IKBKB: variants seen among roughly 807,000 people sequenced by gnomAD.
IKBKB encodes the protein inhibitor of nuclear factor kappa-B kinase subunit beta.
Under a neutral mutation model 113.6 loss-of-function variants are expected in IKBKB, and 42 were observed. The ratio of observed to expected loss-of-function variants is 0.37; its 90% confidence interval spans 0.29 to 0.48. The LOEUF is 0.48. Among genes scored for constraint, IKBKB ranks in the 20% least tolerant of loss-of-function variants. IKBKB has a pLI of 0.99. For synonymous variants in IKBKB, 296 were observed against 361.3 expected, an observed-to-expected ratio of 0.82 and a Z score of 2.05; for missense variants, 673 against 939.7, an observed-to-expected ratio of 0.72 and a Z score of 3.71.
intron 4 of IKBKB, among the ~76,000 whole-genome samples, chr8:42,293,047 G>A (rs756128038): frequency 4.6e-5 from 7 of 152,246 alleles, no homozygotes; most frequent in East Asian, 1.9e-4. Flanking sequence ...ATGGCAGGGC[G>A]GTGGTCGGAG....
intron 8 of IKBKB, among the ~76,000 whole-genome samples, chr8:42,311,961 A>T (rs1209966592): frequency 6.6e-6 from 1 of 152,136 alleles, no homozygotes; most frequent in Non-Finnish European, 1.5e-5. Flanking sequence ...ATCGCGGCTC[A>T]CTGCAAGCTC....
rs1285053479 is a variant in IKBKB at position 42,316,655 on chromosome 8, A to G, written c.931-55A>G. 2.6e-6 allele frequency: 4 copies of G among 1,516,168 alleles called. No homozygotes were observed. Among genetic ancestry groups the G allele is most frequent in the South Asian group, 2.5e-5 (2 of 80,426 alleles). The allele number at this position is 1,516,168 out of a possible 1,614,324, so 93.9% of individuals were successfully genotyped here. A position where few individuals can be genotyped will look rare whatever the true frequency, so the allele number is the denominator to read the frequency against. On this transcript the variant is annotated intron_variant, in intron 10 of 21. Coordinates refer to ENST00000520810, the MANE Select transcript of IKBKB (RefSeq NM_001556.3). This position sits in a 1 kb window ranked among gnomAD's most constrained non-coding sequence, Gnocchi z 4.5. ...GCAGAGAGAGGACCTAGGCAAATAG[A>G]TGGGCATTTCCTTGAAGAAATCGGT...
chr8:42,276,528 T>C (rs1434319040), intron 2 of IKBKB, among the ~76,000 whole-genome samples: 1 of 152,198 alleles, frequency 6.6e-6, no homozygotes, highest in African/African-American at 2.4e-5. Context: ...ATTTCTCCCA[T>C]TCCATAAGTT....
In IKBKB at chr8:42,316,179, G is replaced by A. The variant is rs767555524; in HGVS notation, c.801-31G>A. On this transcript the variant is annotated intron_variant, in intron 9 of 21. Coordinates refer to ENST00000520810, the MANE Select transcript of IKBKB (RefSeq NM_001556.3). The surrounding 1 kb of genome is among the most constrained non-coding windows in gnomAD (Gnocchi z 4.5). The stretch of plus-strand genomic sequence containing the variant: ...CTGTAGCCCAACATTGGCTGGAAGT[G>A]TCTCCTCACACACTATGCTCCTCTC... The A allele has an allele frequency of 6.2e-7, 1 of 1,610,654 alleles. No individual in the cohort carries two copies. Among genetic ancestry groups the A allele is most frequent in the East Asian group, 2.2e-5 (1 of 44,836 alleles).
At chr8:42,288,837 A>G (rs1811973568) in intron 3 of IKBKB, 109 bp downstream of exon 3, 4 of 814,046 alleles carry the variant, frequency 4.9e-6, no homozygotes, top group Non-Finnish European at 7.7e-6. Flanking sequence ...TAATCCTAGC[A>G]CTTTGGAAGG....
At chr8:42,299,579 T>G (rs1395344146) in intron 5 of IKBKB, among the ~76,000 whole-genome samples, 3 of 151,576 alleles carry the variant, frequency 2.0e-5, no homozygotes, top group Non-Finnish European at 4.4e-5. Context: ...TGCCAGCCTC[T>G]GTGTGTGACC....
rs530353192 is a variant in IKBKB at position 42,273,136 on chromosome 8, G to A, written c.105+931G>A. Among the ~76,000 whole-genome samples, 50 of 152,034 alleles carry A rather than the reference G, an allele frequency of 3.3e-4. 1 individual carries two copies. The highest frequency in any genetic ancestry group is 2.8e-3 in the Admixed American group (43 of 15,256). On this transcript the variant is annotated intron_variant, in intron 2 of 21. Coordinates refer to ENST00000520810, the MANE Select transcript of IKBKB (RefSeq NM_001556.3). ...CCATTTTTTAAAAATTATTTTAAAT[G>A]TCGGGTGCAGTGGCTTACACCTGTA...
At chr8:42,310,330 GC>G (rs1817474505) in intron 8 of IKBKB, among the ~76,000 whole-genome samples, 1 of 152,086 alleles carries the variant, frequency 6.6e-6, no homozygotes, top group Non-Finnish European at 1.5e-5. Flanking sequence ...AGCCTCCCAG[GC>G]CCTCATTTAC....
intron 2 of IKBKB, among the ~76,000 whole-genome samples, chr8:42,283,164 T>C (rs1188555528): frequency 6.6e-6 from 1 of 152,188 alleles, no homozygotes; most frequent in Non-Finnish European, 1.5e-5. Context: ...GTCCAGTGTT[T>C]GTGTTGGGCA....
In IKBKB at chr8:42,321,897, G is replaced by A. The variant is rs755214823; in HGVS notation, c.1690G>A (p.Glu564Lys). Reference protein sequence around the residue: ...RKQGGTLDDLEEQARELYRRL... With the variant: ...RKQGGTLDDLKEQARELYRRL... ...ACAGAACTTCTTTGTATATTTTAGA[G>A]AGGAGCAAGCAAGGGAGCTGTACAG... Residue 564 changes from glutamate to lysine, a missense_variant and splice_region_variant, in exon 17 of 22, where the codon GAG (glutamate) becomes AAG (lysine). Coordinates refer to ENST00000520810, the MANE Select transcript of IKBKB (RefSeq NM_001556.3). 3.7e-6 allele frequency: 6 copies of A among 1,603,674 alleles called. No homozygotes were observed. Among genetic ancestry groups the A allele is most frequent in the Non-Finnish European group, 4.3e-6 (5 of 1,176,374 alleles).
At chr8:42,283,946 T>A (rs1226687658) in intron 2 of IKBKB, among the ~76,000 whole-genome samples, 1 of 152,122 alleles carries the variant, frequency 6.6e-6, no homozygotes, top group Admixed American at 6.6e-5. Flanking sequence ...GGTGGATAGA[T>A]GCTCTTGGCA....
intron 1 of IKBKB, 31 bp from the exon 2 acceptor site, chr8:42,272,052 A>G (rs1032591323): frequency 5.9e-5 from 94 of 1,588,950 alleles, no homozygotes; most frequent in Non-Finnish European, 7.2e-5. Flanking sequence ...CTTAATCCTA[A>G]CCTTTTTTCC....
At chr8:42,275,055 TTA>T (rs1042899053) in intron 2 of IKBKB, among the ~76,000 whole-genome samples, 4 of 151,814 alleles carry the variant, frequency 2.6e-5, no homozygotes, top group African/African-American at 9.7e-5. Context: ...TTTTGTATTT[TTA>T]GTAGAGACAG....
chr8:42,278,377 G>A (rs567063877), intron 2 of IKBKB, among the ~76,000 whole-genome samples: 33 of 152,324 alleles, frequency 2.2e-4, no homozygotes, highest in African/African-American at 7.2e-4. Flanking sequence ...GCAGTGGAAC[G>A]ATGTTAGAGG....
intron 7 of IKBKB, among the ~76,000 whole-genome samples, chr8:42,307,966 C>G (rs1816870391): frequency 6.6e-6 from 1 of 152,232 alleles, no homozygotes; most frequent in Non-Finnish European, 1.5e-5. Flanking sequence ...ACCTGCTAAG[C>G]CCAGTCTGCA....
At position 42,330,988 on chromosome 8, in the gene IKBKB, G is replaced by C. The variant is rs751151171; in HGVS notation, c.*9G>C. On this transcript the variant is annotated 3_prime_UTR_variant, in exon 22 of 22. Transcript: ENST00000520810. ...TGGAGCAGGCCTCATGATGTGGGGG[G>C]ACTCGACCCCCTGACATGGGGCAGC... 1 of 1,613,528 alleles carries C rather than the reference G, an allele frequency of 6.2e-7. No homozygotes were observed. The highest frequency in any genetic ancestry group is 1.1e-5 in the South Asian group (1 of 91,056).
intron 20 of IKBKB, 105 bp from the exon 21 acceptor site, chr8:42,329,019 C>T: frequency 1.2e-6 from 1 of 841,108 alleles, no homozygotes; most frequent in Admixed American, 3.0e-5. Context: ...ATTGTTACTT[C>T]ATTTAAAAAG....
chr8:42,316,919 C>G lies in IKBKB; in HGVS notation c.1125+15C>G. ...CAGACGGCAAGGTGAGCCCTGGCTTCGTACACACCATCCTGTTTACCTTGG... is the reference window on the plus strand; with the variant it reads ...CAGACGGCAAGGTGAGCCCTGGCTTGGTACACACCATCCTGTTTACCTTGG... On this transcript the variant is annotated intron_variant, in intron 11 of 21. Transcript: ENST00000520810. The surrounding 1 kb of genome is among the most constrained non-coding windows in gnomAD (Gnocchi z 4.5). 1 of 1,611,530 alleles carries G rather than the reference C, an allele frequency of 6.2e-7. No homozygotes were observed. Among genetic ancestry groups the G allele is most frequent in the Non-Finnish European group, 8.5e-7 (1 of 1,178,246 alleles).
intron 5 of IKBKB, among the ~76,000 whole-genome samples, chr8:42,294,687 C>T (rs1344223802): frequency 4.6e-5 from 7 of 152,228 alleles, no homozygotes; most frequent in Admixed American, 2.6e-4. Flanking sequence ...ATGGAGGATA[C>T]GTTGACATTA....
Sources: allele counts gnomAD v4.1 joint callset (sites outside exome capture counted in the v4.1 genomes callset), GRCh38; gene constraint gnomAD v4.1.1; non-coding constraint Gnocchi (gnomAD v3.1); transcripts MANE v1.5; gene names NCBI Gene and HGNC (gene_info 2026-07-23, HGNC 2026-07-21).